GALNT14: variants seen among roughly 807,000 people sequenced by gnomAD.
GALNT14 encodes polypeptide N-acetylgalactosaminyltransferase 14.
Under a neutral mutation model 77.5 loss-of-function variants are expected in GALNT14, and 60 were observed. That is an observed-to-expected ratio of 0.77 (90% CI 0.63 to 0.96). The LOEUF is 0.96. Ranked by LOEUF, GALNT14 falls within the 40% of genes least tolerant of loss-of-function variation. GALNT14 has a pLI of 0.00. For missense variants in GALNT14, 710 were observed against 731.0 expected, an observed-to-expected ratio of 0.97 and a Z score of 0.33; for synonymous variants, 280 against 281.7, an observed-to-expected ratio of 0.99 and a Z score of 0.06.
intron 1 of GALNT14, among the ~76,000 whole-genome samples, chr2:31,016,165 C>G (rs773846030): frequency 6.6e-6 from 1 of 152,288 alleles, no homozygotes; most frequent in South Asian, 2.1e-4. Context: ...AACGTGCGAA[C>G]AGGGTTAGTT....
chr2:31,100,458 T>C (rs6718097), intron 1 of GALNT14, among the ~76,000 whole-genome samples: 81,054 of 151,754 alleles, frequency 0.53, 22,296 homozygotes, highest in African/African-American at 0.64. Flanking sequence ...GAAACAGTTT[T>C]TCAGTTAATT....
At chr2:30,936,322 T>C (rs969346566) in intron 9 of GALNT14, among the ~76,000 whole-genome samples, 3 of 152,204 alleles carry the variant, frequency 2.0e-5, no homozygotes, top group East Asian at 1.9e-4. Flanking sequence ...AAGGAGCAGC[T>C]TTCTCTCCAG....
At position 30,911,049 on chromosome 2, in the gene GALNT14, T is replaced by A; in HGVS notation, c.1511A>T (p.Lys504Ile). ...TATGTGCTCGATGTGGGAACCAGTTTTGGTCCATTGCTGGTAAGACAAAGA... is the reference window on the plus strand; with the variant it reads ...TATGTGCTCGATGTGGGAACCAGTTATGGTCCATTGCTGGTAAGACAAAGA... The part of the protein sequence containing the change: ...KNGDDRQQWT[K>I]TGSHIEHIAS... Residue 504 changes from lysine (K) to isoleucine (I), a missense_variant, in exon 15 of 15, where the codon AAA (lysine) becomes ATA (isoleucine). Coordinates refer to ENST00000349752, the MANE Select transcript of GALNT14 (RefSeq NM_024572.4). 1 of 1,613,836 alleles carries A rather than the reference T, an allele frequency of 6.2e-7. No homozygotes were observed. Among genetic ancestry groups the A allele is most frequent in the Middle Eastern group, 1.7e-4 (1 of 6,058 alleles).
intron 1 of GALNT14, 76 bp downstream of exon 1, chr2:31,137,882 C>T: frequency 6.5e-7 from 1 of 1,532,374 alleles, no homozygotes; most frequent in Admixed American, 2.0e-5. Flanking sequence ...TCCCGGGAGC[C>T]CGCAAACCCG....
At chr2:30,991,655 C>T (rs1669711186) in intron 2 of GALNT14, among the ~76,000 whole-genome samples, 1 of 152,168 alleles carries the variant, frequency 6.6e-6, no homozygotes, top group Non-Finnish European at 1.5e-5. Context: ...TCATCTAGTT[C>T]ACCCCCCTTG....
intron 1 of GALNT14, chr2:31,073,148 T>C (rs1156706767): frequency 6.6e-6 from 1 of 152,150 alleles, no homozygotes; most frequent in African/African-American, 2.4e-5. Context: ...GAGCGAGATA[T>C]GTAGGATCAG....
chr2:30,904,971 G>A, the GALNT14 span, among the ~76,000 whole-genome samples: 10 of 151,804 alleles, frequency 6.6e-5, no homozygotes, highest in Admixed American at 3.3e-4. Context: ...CACACGGCAG[G>A]GTATTCCAAC....
rs150162953 is a variant in GALNT14 at position 31,099,032 on chromosome 2, A to G, written c.129+38926T>C. Among the ~76,000 whole-genome samples the G allele has an allele frequency of 9.3e-4, 141 of 152,222 alleles. 4 individuals carry two copies. The East Asian group carries it at 0.021, about 22-fold the overall frequency. On this transcript the variant is annotated intron_variant, in intron 1 of 14. Transcript: ENST00000349752. ...AAAATCTGTATATAAGTGAATCTGC[A>G]TAGTTCAAACCCATGTTGTTCTGAA...
At chr2:31,029,004 G>A (rs1359559893) in intron 1 of GALNT14, among the ~76,000 whole-genome samples, 1 of 152,138 alleles carries the variant, frequency 6.6e-6, no homozygotes, top group African/African-American at 2.4e-5. Context: ...GTTCTCAGGT[G>A]CTCTTCCCTA....
chr2:31,114,600 A>T, intron 1 of GALNT14: 1 of 614,354 alleles, frequency 1.6e-6, no homozygotes, highest in Non-Finnish European at 2.9e-6. Context: ...GCAAAAATAC[A>T]AAGAAATAAA....
chr2:31,108,041 G>A (rs1677643538), intron 1 of GALNT14, among the ~76,000 whole-genome samples: 1 of 152,180 alleles, frequency 6.6e-6, no homozygotes, highest in Non-Finnish European at 1.5e-5. Context: ...TAGCTGTCCT[G>A]TCTCATATCT....
At chr2:30,924,075 T>C in intron 13 of GALNT14, 44 bp downstream of exon 13, 6 of 1,612,346 alleles carry the variant, frequency 3.7e-6, no homozygotes, top group Non-Finnish European at 5.1e-6. Context: ...GCTGCCTCCC[T>C]CTACTGTGAC....
At chr2:31,015,996 G>A (rs962269658) in intron 1 of GALNT14, among the ~76,000 whole-genome samples, 2 of 152,150 alleles carry the variant, frequency 1.3e-5, no homozygotes, top group African/African-American at 4.8e-5. Context: ...AGGAGATGAT[G>A]AGAGTCACAA....
chr2:31,052,685 C>A (rs1673954815), intron 1 of GALNT14, among the ~76,000 whole-genome samples: 1 of 152,200 alleles, frequency 6.6e-6, no homozygotes, highest in Non-Finnish European at 1.5e-5. Context: ...CTGCACAGGA[C>A]AGCACCGGCG....
Position 31,019,660 on chromosome 2 carries a change from C to G in GALNT14, c.130-26653G>C, listed in dbSNP as rs143193762. Among the ~76,000 whole-genome samples the G allele has an allele frequency of 1.4e-4, 22 of 152,302 alleles. 1 individual carries two copies. Among genetic ancestry groups the G allele is most frequent in the African/African-American group, 4.3e-4 (18 of 41,584 alleles). ...AAGTGGCTATCGCTGTCTTTCCAGA[C>G]TGGACCTTCCTGGGAGTGGCAGCTT... On this transcript the variant is annotated intron_variant, in intron 1 of 14. Coordinates refer to ENST00000349752, the MANE Select transcript of GALNT14 (RefSeq NM_024572.4).
At chr2:31,045,040 A>C (rs1673347712) in intron 1 of GALNT14, among the ~76,000 whole-genome samples, 2 of 152,196 alleles carry the variant, frequency 1.3e-5, no homozygotes, top group Non-Finnish European at 2.9e-5. Context: ...AGGTGGAGGC[A>C]GAGGTCAGAT....
intron 1 of GALNT14, among the ~76,000 whole-genome samples, chr2:31,022,474 T>A (rs1671779797): frequency 6.6e-6 from 1 of 152,150 alleles, no homozygotes; most frequent in South Asian, 2.1e-4. Flanking sequence ...AGGCCTTTTT[T>A]TCCCCCAACA....
chr2:30,989,561 T>TATATATATATATATATATATAAAA (rs1669527543), intron 2 of GALNT14, among the ~76,000 whole-genome samples: 2 of 23,366 alleles, frequency 8.6e-5, no homozygotes, highest in Non-Finnish European at 1.4e-4. Flanking sequence ...GTAAATACCT[T>TATATATATATATATATATATAAAA]ATATATATAT....
chr2:31,126,278 A>G (rs1375962738), intron 1 of GALNT14, among the ~76,000 whole-genome samples: 1 of 152,212 alleles, frequency 6.6e-6, no homozygotes, highest in African/African-American at 2.4e-5. Flanking sequence ...GGAAAAATAC[A>G]TTCAAGTCCT....
Sources: gnomAD v4.1 joint callset for allele counts (sites outside exome capture counted in the v4.1 genomes callset) on GRCh38, gnomAD v4.1.1 for gene constraint, MANE v1.5 for transcripts, NCBI Gene and HGNC (gene_info 2026-07-23, HGNC 2026-07-21) for gene names.